The following IFI6 variants were observed in gnomAD, a reference collection of about 807,000 sequenced individuals.
IFI6 encodes the protein interferon alpha-inducible protein 6.
In IFI6, 10 loss-of-function variants were observed where a neutral mutation model predicts 12.7. That is an observed-to-expected ratio of 0.79 (90% confidence interval 0.49 to 1.33). IFI6 has a LOEUF of 1.33. Ranked by LOEUF, IFI6 falls within the 40% of genes most tolerant of loss-of-function variation. The pLI, the probability that IFI6 is intolerant of heterozygous loss-of-function variation, is 0.00. For synonymous variants in IFI6, 89 were observed against 86.2 expected, an observed-to-expected ratio of 1.03 and a Z score of -0.18; for missense variants, 154 against 180.4, an observed-to-expected ratio of 0.85 and a Z score of 0.84.
At chr1:27,669,194 T>C (rs181467934) in intron 2 of IFI6, 51 bp downstream of exon 2, 18 of 1,541,940 alleles carry the variant, frequency 1.2e-5, no homozygotes, top group Non-Finnish European at 1.6e-5. Context: ...CTTGCATCCT[T>C]ACCTGCACCC....
Position 27,666,442 on chromosome 1 carries a change from A to G in IFI6, c.332T>C (p.Ile111Thr), listed in dbSNP as rs138947286. 4.4e-5 allele frequency: 71 copies of G among 1,613,906 alleles called. No homozygotes were observed. Among genetic ancestry groups the G allele is most frequent in the Middle Eastern group, 1.6e-4 (1 of 6,082 alleles). The change falls in exon 5 of 5, where the codon ATT (isoleucine) becomes ACT (threonine). Residue 111 changes from isoleucine (I) to threonine (T), a missense_variant. Physicochemically the swap from Ile to Thr is moderately conservative, Grantham distance 89. Coordinates refer to ENST00000361157, the MANE Select transcript of IFI6 (RefSeq NM_002038.4). ...AGGSSVVIGNIGALMGYATHK... is the reference protein window; with the variant it reads ...AGGSSVVIGNTGALMGYATHK... ...GGTGGCGTAGCCCATCAGGGCACCA[A>G]TATTACCTATGACGACGCTGCTGCC...
chr1:27,667,067 T>C (rs1390600294), intron 4 of IFI6, among the ~76,000 whole-genome samples: 1 of 28,928 alleles, frequency 3.5e-5, no homozygotes, highest in East Asian at 8.6e-4. Context: ...GAGGTGGGGG[T>C]GGGTGGGGAG....
intron 1 of IFI6, among the ~76,000 whole-genome samples, chr1:27,671,621 CG>C: frequency 6.6e-6 from 1 of 151,682 alleles, no homozygotes; most frequent in Non-Finnish European, 1.5e-5. Flanking sequence ...CTCCTGACCT[CG>C]TGATCCGTGG....
intron 4 of IFI6, among the ~76,000 whole-genome samples, chr1:27,667,811 C>T (rs1482086569): frequency 6.6e-6 from 1 of 152,224 alleles, no homozygotes; most frequent in Non-Finnish European, 1.5e-5. Flanking sequence ...TGACTCACGC[C>T]TGTAATCCTA....
At chr1:27,667,097 A>C (rs1186923915) in intron 4 of IFI6, among the ~76,000 whole-genome samples, 1 of 151,584 alleles carries the variant, frequency 6.6e-6, no homozygotes, top group African/African-American at 2.4e-5. Context: ...AGAGGGAAGT[A>C]AGGCCATTTT....
Position 27,666,130 on chromosome 1 carries a change from C to T in IFI6, c.*251G>A. 1 of 381,284 alleles carries T rather than the reference C, an allele frequency of 2.6e-6. No individual in the cohort carries two copies. Among genetic ancestry groups the T allele is most frequent in the Non-Finnish European group, 4.7e-6 (1 of 210,874 alleles). The allele number at this position is 381,284 out of a possible 1,614,324, so 23.6% of individuals were successfully genotyped here. On this transcript the variant is annotated 3_prime_UTR_variant, in exon 5 of 5. Coordinates refer to ENST00000361157, the MANE Select transcript of IFI6 (RefSeq NM_002038.4). ...GTTGGGGAGAGTGATAGACAAAGTT[C>T]TGGATTCTGGGCATCGTCGGCGCAT...
At position 27,669,339 on chromosome 1, in the gene IFI6, C is replaced by T. The variant is rs2090386721; in HGVS notation, c.-25G>A. On this transcript the variant is annotated 5_prime_UTR_variant, in exon 2 of 5. Transcript: ENST00000361157. ...TGGTGGCGCCGCGCGCGGGCTCCGT[C>T]ACTAGACCTGCGAACGGGCGAGAGG... 1.3e-6 allele frequency: 2 copies of T among 1,549,998 alleles called. No homozygotes were observed. Among genetic ancestry groups the T allele is most frequent in the African/African-American group, 1.4e-5 (1 of 73,076 alleles).
intron 2 of IFI6, among the ~76,000 whole-genome samples, 179 bp downstream of exon 2, chr1:27,669,066 T>C (rs1232834858): frequency 5.3e-5 from 8 of 149,922 alleles, no homozygotes; most frequent in African/African-American, 2.0e-4. Context: ...CATCCTTACC[T>C]GCATCCTTAC....
intron 4 of IFI6, among the ~76,000 whole-genome samples, chr1:27,667,293 A>G (rs1571431395): frequency 6.7e-6 from 1 of 149,806 alleles, no homozygotes; most frequent in East Asian, 2.0e-4. Context: ...GTATGCGCCT[A>G]TAGTCCCAGC....
chr1:27,669,306 C>T lies in IFI6; in HGVS notation c.9G>A (p.Gln3=). The T allele has an allele frequency of 6.4e-7, 1 of 1,552,850 alleles. No individual in the cohort carries two copies. Among genetic ancestry groups the T allele is most frequent in the Non-Finnish European group, 8.7e-7 (1 of 1,147,476 alleles). The change falls in exon 2 of 5, where the codon CAG becomes CAA. Residue 3 remains glutamine, a synonymous_variant. Coordinates refer to ENST00000361157, the MANE Select transcript of IFI6 (RefSeq NM_002038.4). ...AGCACAAGAAAAGCGATACCGCCTT[C>T]TGCCGCATGGTGGCGCCGCGCGCGG... MR[Q]KAVSLFLCYL...
intron 4 of IFI6, among the ~76,000 whole-genome samples, chr1:27,667,795 A>G (rs1349278060): frequency 5.3e-5 from 8 of 152,162 alleles, no homozygotes; most frequent in Admixed American, 5.2e-4. Flanking sequence ...TTCTGGCCGG[A>G]CGCGGTGACT....
chr1:27,668,504 G>T lies in IFI6; in HGVS notation c.102C>A (p.Ser34Arg), dbSNP rs773948142. The change falls in exon 3 of 5, where the codon AGC (serine) becomes AGA (arginine). Residue 34 changes from serine (S) to arginine (R), a missense_variant. Coordinates refer to ENST00000361157, the MANE Select transcript of IFI6 (RefSeq NM_002038.4). ...TCAGGGCCTTCCAGAACCCGGAGCC[G>T]CTGTCCGAGCTCTCCGAGCACTTTT... ...GKKKCSESSD[S>R]GSGFWKALTF... The T allele has an allele frequency of 1.2e-6, 2 of 1,609,394 alleles. No individual in the cohort carries two copies. Among genetic ancestry groups the T allele is most frequent in the African/African-American group, 1.3e-5 (1 of 74,752 alleles).
At position 27,668,447 on chromosome 1, in the gene IFI6, T is replaced by A; in HGVS notation, c.148+11A>T. The A allele has an allele frequency of 6.2e-7, 1 of 1,608,592 alleles. No individual in the cohort carries two copies. The highest frequency in any genetic ancestry group is 8.5e-7 in the Non-Finnish European group (1 of 1,177,618). The stretch of plus-strand genomic sequence containing the variant: ...CCCCGCCTGCCCGAGATCCTCGCCC[T>A]CCAGACCCACCTCCTCCGACGGCCA... On this transcript the variant is annotated intron_variant, in intron 3 of 4. Coordinates refer to ENST00000361157, the MANE Select transcript of IFI6 (RefSeq NM_002038.4).
rs866770658 is a variant in IFI6, at chr1:27,668,285, G to C, written c.239C>G (p.Ala80Gly). The C allele has an allele frequency of 6.3e-7, 1 of 1,583,082 alleles. No individual in the cohort carries two copies. Among genetic ancestry groups the C allele is most frequent in the Non-Finnish European group, 8.6e-7 (1 of 1,168,526 alleles). ...GGGCACGCCGCCCCCATTCAGGATCGCAGACCAGCTCATCAGCGAGGCAGC... is the reference window on the plus strand; with the variant it reads ...GGGCACGCCGCCCCCATTCAGGATCCCAGACCAGCTCATCAGCGAGGCAGC... ...SVAASLMSWS[A>G]ILNGGGVPAG... is the part of the protein sequence containing the mutation. Residue 80 changes from alanine to glycine, a missense_variant, in exon 4 of 5, where the codon GCG (alanine) becomes GGG (glycine). Coordinates refer to ENST00000361157, the MANE Select transcript of IFI6 (RefSeq NM_002038.4).
Position 27,668,299 on chromosome 1 carries a change from C to T in IFI6, c.225G>A (p.Leu75=), listed in dbSNP as rs35060183. The T allele has an allele frequency of 1.5e-3, 2,324 of 1,581,304 alleles. 4 individuals are homozygous for T. The highest frequency in any genetic ancestry group is 4.2e-3 in the Middle Eastern group (24 of 5,678). The part of the protein sequence containing the change: ...GIAANSVAAS[L]MSWSAILNGG... ...CATTCAGGATCGCAGACCAGCTCAT[C>T]AGCGAGGCAGCCACCGAGTTGGCCG... Residue 75 remains leucine, a synonymous_variant, in exon 4 of 5, where the codon CTG becomes CTA. Transcript: ENST00000361157.
intron 1 of IFI6, 124 bp downstream of exon 1, chr1:27,671,999 C>T (rs1252670484): frequency 6.6e-6 from 1 of 152,164 alleles, no homozygotes; most frequent in Non-Finnish European, 1.5e-5. Flanking sequence ...TAAAAGGGAC[C>T]CAGGAGTGCT....
At chr1:27,668,834 G>A (rs568626455) in intron 2 of IFI6, among the ~76,000 whole-genome samples, 21 of 151,992 alleles carry the variant, frequency 1.4e-4, no homozygotes, top group Admixed American at 3.9e-4. Flanking sequence ...ACAGAAGCAC[G>A]CCAGACCCTC....
At chr1:27,670,949 G>A (rs1239842007) in intron 1 of IFI6, among the ~76,000 whole-genome samples, 1 of 152,138 alleles carries the variant, frequency 6.6e-6, no homozygotes, top group African/African-American at 2.4e-5. Context: ...GCCAGGAACT[G>A]GGGGATGAAA....
rs1246517125 is a variant in IFI6, at chr1:27,669,294, C to T, written c.21G>A (p.Ser7=). Residue 7 remains serine, a synonymous_variant, in exon 2 of 5, where the codon TCG becomes TCA. Transcript: ENST00000361157. Reference sequence around the variant, plus strand: ...AGAGCAGCAGGTAGCACAAGAAAAGCGATACCGCCTTCTGCCGCATGGTGG... The same window carrying T: ...AGAGCAGCAGGTAGCACAAGAAAAGTGATACCGCCTTCTGCCGCATGGTGG... The part of the protein sequence containing the change: MRQKAV[S]LFLCYLLLFT... 2.6e-6 allele frequency: 4 copies of T among 1,552,652 alleles called. No homozygotes were observed. The highest frequency in any genetic ancestry group is 2.4e-5 in the East Asian group (1 of 41,012).
Sources: allele counts gnomAD v4.1 joint callset (sites outside exome capture counted in the v4.1 genomes callset), GRCh38; gene constraint gnomAD v4.1.1; transcripts MANE v1.5; gene names NCBI Gene and HGNC (gene_info 2026-07-23, HGNC 2026-07-21).